Variants in PLA2G4C observed in about 807,000 individuals in gnomAD.
The protein encoded by PLA2G4C is cytosolic phospholipase A2 gamma.
A neutral mutation model predicts 73.8 loss-of-function variants in PLA2G4C; 64 were observed. That is an observed-to-expected ratio of 0.87 (90% CI 0.71 to 1.07). PLA2G4C has a LOEUF of 1.07. Ranked by LOEUF, PLA2G4C falls within the 50% of genes least tolerant of loss-of-function variation. The probability of loss-of-function intolerance (pLI) is 0.00; values close to 1 mark genes in which losing one functional copy is unlikely to be tolerated. For missense variants in PLA2G4C, 622 were observed against 665.4 expected (o/e 0.93, Z 0.72); for synonymous variants, 254 against 252.1 (o/e 1.01, Z -0.07).
intron 7 of PLA2G4C, among the ~76,000 whole-genome samples, chr19:48,092,070 T>A (rs1029372193): frequency 2.3e-3 from 76 of 33,750 alleles, no homozygotes; most frequent in Admixed American, 8.1e-3. Flanking sequence ...AAAAAAAAAT[T>A]TTTTTTTTTT....
Position 48,095,537 on chromosome 19 carries a change from G to C in PLA2G4C, c.636C>G (p.Thr212=), listed in dbSNP as rs142281365. 71 of 1,613,878 alleles carry C rather than the reference G, an allele frequency of 4.4e-5. No individual in the cohort carries two copies. Among genetic ancestry groups the C allele is most frequent in the Non-Finnish European group, 5.6e-5 (66 of 1,179,902 alleles). The change falls in exon 7 of 17, where the codon ACC becomes ACG. Residue 212 remains threonine, a synonymous_variant. Coordinates refer to ENST00000599921, the MANE Select transcript of PLA2G4C (RefSeq NM_003706.3). ...FSALGAFVSI[T]HFGSKFKKGR... is the part of the protein sequence containing the mutation. ...CCTTCTTGAATTTGCTTCCGAAGTG[G>C]GTTATGGAAACAAAGGCCCCCAGTG...
intron 6 of PLA2G4C, among the ~76,000 whole-genome samples, chr19:48,096,308 C>T (rs769223450): frequency 1.1e-4 from 17 of 152,062 alleles, no homozygotes; most frequent in African/African-American, 2.4e-4. Flanking sequence ...CATGGCCGGG[C>T]GTGGTGGCTC....
intron 7 of PLA2G4C, among the ~76,000 whole-genome samples, chr19:48,092,056 C>T (rs1359934477): frequency 7.8e-6 from 1 of 127,742 alleles, no homozygotes; most frequent in Non-Finnish European, 1.7e-5. Context: ...ATGGTCGTTC[C>T]TCAAAAAAAA....
At chr19:48,061,854 T>A in intron 14 of PLA2G4C, 144 bp downstream of exon 14, 1 of 779,542 alleles carries the variant, frequency 1.3e-6, no homozygotes. Flanking sequence ...GAGCGATGGG[T>A]GAGTTGATTT....
At chr19:48,053,872 A>C (rs1429411881) in intron 15 of PLA2G4C, among the ~76,000 whole-genome samples, 2 of 152,162 alleles carry the variant, frequency 1.3e-5, no homozygotes, top group Non-Finnish European at 2.9e-5. Flanking sequence ...CAGGCCCCGG[A>C]GGACCACCCA....
chr19:48,093,534 C>T (rs1418401361), intron 7 of PLA2G4C, among the ~76,000 whole-genome samples: 1 of 152,164 alleles, frequency 6.6e-6, no homozygotes. Flanking sequence ...TAAACTGCCT[C>T]CCTGGCTCTC....
chr19:48,077,761 G>A lies in PLA2G4C; in HGVS notation c.898+10C>T, dbSNP rs201386015. ...ATCATTAGGGATTCATGGCAAAGTAGGATGCTTACCTTCTGGGGGAGGATG... is the reference window on the plus strand; with the variant it reads ...ATCATTAGGGATTCATGGCAAAGTAAGATGCTTACCTTCTGGGGGAGGATG... On this transcript the variant is annotated intron_variant, in intron 11 of 16. Coordinates refer to ENST00000599921, the MANE Select transcript of PLA2G4C (RefSeq NM_003706.3). The A allele has an allele frequency of 6.3e-7, 1 of 1,599,922 alleles. No individual in the cohort carries two copies.
At chr19:48,102,917 G>A (rs2031989287) in intron 4 of PLA2G4C, among the ~76,000 whole-genome samples, 2 of 152,088 alleles carry the variant, frequency 1.3e-5, no homozygotes, top group Admixed American at 1.3e-4. Flanking sequence ...AGTCTTCATC[G>A]TCCACACTTA....
chr19:48,082,400 G>A lies in PLA2G4C; in HGVS notation c.844+2659C>T, dbSNP rs570206908. Among the ~76,000 whole-genome samples, 5 of 151,732 alleles carry A rather than the reference G, an allele frequency of 3.3e-5. No individual in the cohort carries two copies. The South Asian group carries it at 1.0e-3, about 31-fold the overall frequency. On this transcript the variant is annotated intron_variant, in intron 10 of 16. Transcript: ENST00000599921. ...GATAGAAAGCTAAGTCCTGATACACGTCGGTTAGGTCAAGCTTCTGCTTCA... is the reference window on the plus strand; with the variant it reads ...GATAGAAAGCTAAGTCCTGATACACATCGGTTAGGTCAAGCTTCTGCTTCA...
At position 48,065,953 on chromosome 19, in the gene PLA2G4C, C is replaced by T. The variant is rs11564630; in HGVS notation, c.1102+1838G>A. On this transcript the variant is annotated intron_variant, in intron 13 of 16. Coordinates refer to ENST00000599921, the MANE Select transcript of PLA2G4C (RefSeq NM_003706.3). ...TACTAAAAATACAAAATTAGCCAGGCGTGGTGGCGCATGCCTGTAATCCCA... is the reference window on the plus strand; with the variant it reads ...TACTAAAAATACAAAATTAGCCAGGTGTGGTGGCGCATGCCTGTAATCCCA... Among the ~76,000 whole-genome samples, 5 of 152,032 alleles carry T rather than the reference C, an allele frequency of 3.3e-5. No individual in the cohort carries two copies. The East Asian group carries it at 7.8e-4, about 24-fold the overall frequency.
intron 10 of PLA2G4C, 77 bp from the exon 11 acceptor site, chr19:48,077,901 A>T: frequency 8.3e-7 from 1 of 1,203,192 alleles, no homozygotes; most frequent in Admixed American, 2.2e-5. Flanking sequence ...ACCTGCAGCG[A>T]CGTCTCTTTA....
intron 14 of PLA2G4C, among the ~76,000 whole-genome samples, chr19:48,057,295 A>T (rs1237345859): frequency 1.3e-5 from 2 of 151,936 alleles, no homozygotes; most frequent in African/African-American, 2.4e-5. Context: ...CTGAAGTGTT[A>T]GAGGAAGAGA....
At position 48,071,870 on chromosome 19, in the gene PLA2G4C, G is replaced by A. The variant is rs183967396; in HGVS notation, c.1006+2897C>T. ...TCTTATAGTAAGTTAAGAATTGGCC[G>A]GGCACAGTGGCTCACATCTGTAATC... On this transcript the variant is annotated intron_variant, in intron 12 of 16. Transcript: ENST00000599921. Among the ~76,000 whole-genome samples the A allele has an allele frequency of 2.7e-3, 412 of 152,074 alleles. 1 individual carries two copies. The highest frequency in any genetic ancestry group is 8.8e-3 in the African/African-American group (365 of 41,498).
intron 10 of PLA2G4C, among the ~76,000 whole-genome samples, chr19:48,080,309 A>C (rs766904615): frequency 6.6e-6 from 1 of 152,226 alleles, no homozygotes; most frequent in South Asian, 2.1e-4. Flanking sequence ...ATGGCCATTG[A>C]TAAAAATTCA....
chr19:48,055,389 G>GTATATA (rs4002927), intron 14 of PLA2G4C, among the ~76,000 whole-genome samples: 124 of 132,604 alleles, frequency 9.4e-4, no homozygotes, highest in Admixed American at 2.0e-3. Flanking sequence ...CATCTCTACA[G>GTATATA]TATATATATA....
intron 10 of PLA2G4C, among the ~76,000 whole-genome samples, chr19:48,084,071 T>TGTGTGTGTGTGC (rs2030825970): frequency 6.7e-6 from 1 of 150,362 alleles, no homozygotes; most frequent in Non-Finnish European, 1.5e-5. Flanking sequence ...TGTGTGTGTG[T>TGTGTGTGTGTGC]GTGTGTGTGA....
intron 13 of PLA2G4C, among the ~76,000 whole-genome samples, chr19:48,065,345 C>A (rs2122502645): frequency 6.6e-6 from 1 of 152,126 alleles, no homozygotes; most frequent in Admixed American, 6.6e-5. Flanking sequence ...CAGTGGCTCA[C>A]ACCTGTGCAC....
rs996347957 is a variant in PLA2G4C, at chr19:48,105,573, G to A, written c.9-129C>T. 1.4e-5 allele frequency: 9 copies of A among 663,312 alleles called. No individual in the cohort carries two copies. The Admixed American group carries it at 1.4e-4, about 10-fold the overall frequency. The allele number at this position is 663,312 out of a possible 1,614,324, so 41.1% of individuals were successfully genotyped here. On this transcript the variant is annotated intron_variant, in intron 2 of 16. Transcript: ENST00000599921. The stretch of plus-strand genomic sequence containing the variant: ...CCCACGGGTACATGGTTTCCTTTTG[G>A]GGTGAGGAAAATATTCTGAAACTAG...
chr19:48,085,568 G>C (rs553483768), intron 9 of PLA2G4C, among the ~76,000 whole-genome samples: 1 of 152,336 alleles, frequency 6.6e-6, no homozygotes, highest in Non-Finnish European at 1.5e-5. Flanking sequence ...TGTTGGATTA[G>C]AGGCATTGCT....
Sources: gnomAD v4.1 joint callset for allele counts (sites outside exome capture counted in the v4.1 genomes callset) on GRCh38, gnomAD v4.1.1 for gene constraint, MANE v1.5 for transcripts, NCBI Gene and HGNC (gene_info 2026-07-23, HGNC 2026-07-21) for gene names.